The following POLA1 variants were observed in gnomAD, a reference collection of about 807,000 sequenced individuals.
The protein encoded by POLA1 is DNA polymerase alpha catalytic subunit.
In POLA1, 15 loss-of-function variants were observed where a neutral mutation model predicts 124.0. That is an observed-to-expected ratio of 0.12 (90% CI 0.08 to 0.19). POLA1 has a LOEUF of 0.19. Among genes scored for constraint, POLA1 ranks in the 10% least tolerant of loss-of-function variants. POLA1 has a pLI of 1.00. For synonymous variants in POLA1, 408 were observed against 389.4 expected, an observed-to-expected ratio of 1.05 and a Z score of -0.56; for missense variants, 886 against 1,103.4, an observed-to-expected ratio of 0.80 and a Z score of 2.79.
At chrX:24,945,282 A>G (rs764406383) in intron 36 of POLA1, among the ~76,000 whole-genome samples, 3 of 112,654 alleles carry the variant, frequency 2.7e-5, no homozygotes, top group South Asian at 7.3e-4. Flanking sequence ...CTAAACGACT[A>G]TCTATTATAG....
chrX:24,980,275 C>T (rs1048856288), intron 36 of POLA1, among the ~76,000 whole-genome samples: 1 of 111,960 alleles, frequency 8.9e-6, no homozygotes, highest in Non-Finnish European at 1.9e-5. Context: ...TGAAATAAGG[C>T]AGTGATGGTT....
chrX:24,864,956 A>G (rs189203833), intron 34 of POLA1, among the ~76,000 whole-genome samples: 10 of 112,118 alleles, frequency 8.9e-5, no homozygotes, highest in African/African-American at 3.2e-4. Flanking sequence ...AAATGGTATC[A>G]TTTAATTCTT....
At chrX:24,751,130 C>G in intron 26 of POLA1, among the ~76,000 whole-genome samples, 1 of 111,679 alleles carries the variant, frequency 9.0e-6, no homozygotes, top group African/African-American at 3.2e-5. Flanking sequence ...AAGTTTCTCA[C>G]GAGAGGCAAT....
rs893930899 is a variant in POLA1 at position 24,773,085 on chromosome X, A to G, written c.2964+24093A>G. 1.1e-4 allele frequency among the ~76,000 whole-genome samples: 12 copies of G among 112,304 alleles called. No homozygotes were observed. In the Admixed American group the frequency reaches 1.1e-3, roughly 11 times the overall value. ...TTCTAAGACCAAGAGAAAAAACAGG[A>G]TTGACCAATTTTGTTTTTCCACCTT... On this transcript the variant is annotated intron_variant, in intron 26 of 36. Coordinates refer to ENST00000379068, the MANE Select transcript of POLA1 (RefSeq NM_001330360.2).
In POLA1 at chrX:24,911,714, A is replaced by T. The variant is rs758987799; in HGVS notation, c.4165-18739A>T. ...TTGATAAGCCTCTAGCAAGGCTGACAAAGATAAGAAGAGAGAAGATACAAA... is the reference window on the plus strand; with the variant it reads ...TTGATAAGCCTCTAGCAAGGCTGACTAAGATAAGAAGAGAGAAGATACAAA... On this transcript the variant is annotated intron_variant, in intron 35 of 36. Transcript: ENST00000379068. Among the ~76,000 whole-genome samples the T allele has an allele frequency of 2.7e-5, 3 of 111,674 alleles. No homozygotes were observed. The South Asian group carries it at 1.1e-3, about 42-fold the overall frequency.
intron 34 of POLA1, among the ~76,000 whole-genome samples, chrX:24,875,186 AGGG>A (rs953078902): frequency 2.7e-5 from 3 of 111,475 alleles, no homozygotes; most frequent in African/African-American, 9.8e-5. Context: ...CCACAAAAGA[AGGG>A]GGGAGGAATA....
In POLA1 at chrX:24,717,429, G is replaced by A; in HGVS notation, c.846G>A (p.Glu282=). 1 of 1,211,845 alleles carries A rather than the reference G, an allele frequency of 8.3e-7. No individual in the cohort carries two copies. The highest frequency in any genetic ancestry group is 1.1e-6 in the Non-Finnish European group (1 of 895,441). The change falls in exon 9 of 37, where the codon GAG becomes GAA. Residue 282 remains glutamate (E), a synonymous_variant. Transcript: ENST00000379068. The stretch of plus-strand genomic sequence containing the variant: ...TGGCTGCCAAGGCTTGGGACAAAGA[G>A]AGTGAGCCAGCAGAGGAAGTGAAAC... The part of the protein sequence containing the change: ...EPMAAKAWDK[E]SEPAEEVKQE...
chrX:24,892,160 A>C (rs938066100), intron 35 of POLA1, among the ~76,000 whole-genome samples: 2 of 110,773 alleles, frequency 1.8e-5, no homozygotes, highest in African/African-American at 6.6e-5. Context: ...ATATATATAT[A>C]TCTCACAGTT....
At chrX:24,776,397 C>T (rs942599747) in intron 26 of POLA1, among the ~76,000 whole-genome samples, 1 of 111,542 alleles carries the variant, frequency 9.0e-6, no homozygotes, top group African/African-American at 3.3e-5. Flanking sequence ...ATTTTCCCCC[C>T]TTTTCCTAAA....
chrX:24,729,217 G>A (rs373217392), intron 15 of POLA1, among the ~76,000 whole-genome samples: 27 of 111,798 alleles, frequency 2.4e-4, no homozygotes, highest in African/African-American at 6.8e-4. Flanking sequence ...TAATGCTTTT[G>A]TGGGGTACTG....
chrX:24,701,360 C>A (rs1480803572), intron 2 of POLA1, among the ~76,000 whole-genome samples: 1 of 110,751 alleles, frequency 9.0e-6, no homozygotes, highest in African/African-American at 3.3e-5. Flanking sequence ...AAGCTCTGTC[C>A]AAGTTTTTTC....
At chrX:24,983,012 A>G (rs1188365329) in intron 36 of POLA1, among the ~76,000 whole-genome samples, 1 of 112,275 alleles carries the variant, frequency 8.9e-6, no homozygotes. Flanking sequence ...TTTTAACTGT[A>G]TTGCATTAAT....
At chrX:24,839,010 C>T (rs758821744) in intron 32 of POLA1, among the ~76,000 whole-genome samples, 1 of 111,917 alleles carries the variant, frequency 8.9e-6, no homozygotes, top group Non-Finnish European at 1.9e-5. Flanking sequence ...TTCACCTTTT[C>T]AAAAAAGATT....
chrX:24,779,331 C>A (rs1055544265), intron 26 of POLA1, among the ~76,000 whole-genome samples: 4 of 112,132 alleles, frequency 3.6e-5, no homozygotes, highest in Non-Finnish European at 7.5e-5. Flanking sequence ...CCTGCCTCAG[C>A]CTCCTAAAGT....
At chrX:24,844,613 A>G (rs2046452895) in intron 34 of POLA1, among the ~76,000 whole-genome samples, 1 of 112,193 alleles carries the variant, frequency 8.9e-6, no homozygotes, top group African/African-American at 3.2e-5. Flanking sequence ...AAAAGTAACT[A>G]TCAGATCATT....
chrX:24,786,768 G>A (rs1348119038), intron 26 of POLA1, among the ~76,000 whole-genome samples: 2 of 97,800 alleles, frequency 2.0e-5, no homozygotes, highest in Non-Finnish European at 4.0e-5. Flanking sequence ...GCTCACTGCA[G>A]TCTCAACCTC....
At chrX:24,945,211 T>C (rs945353402) in intron 36 of POLA1, among the ~76,000 whole-genome samples, 1 of 113,070 alleles carries the variant, frequency 8.8e-6, no homozygotes, top group African/African-American at 3.2e-5. Flanking sequence ...GGACAGTGCC[T>C]GGCACATAGT....
intron 34 of POLA1, among the ~76,000 whole-genome samples, chrX:24,886,345 G>A (rs370508353): frequency 8.0e-5 from 9 of 111,884 alleles, no homozygotes; most frequent in East Asian, 2.8e-4. Flanking sequence ...TACTTGAAAA[G>A]CTCATATTAA....
chrX:24,887,413 A>G (rs1394413361), intron 34 of POLA1, among the ~76,000 whole-genome samples: 1 of 112,535 alleles, frequency 8.9e-6, no homozygotes, highest in Non-Finnish European at 1.9e-5. Context: ...GTCTCTAGAA[A>G]GCACATATAA....
Sources: gnomAD v4.1 joint callset for allele counts (sites outside exome capture counted in the v4.1 genomes callset) on GRCh38, gnomAD v4.1.1 for gene constraint, MANE v1.5 for transcripts, NCBI Gene and HGNC (gene_info 2026-07-23, HGNC 2026-07-21) for gene names.